ITSN1: variants seen among roughly 807,000 people sequenced by gnomAD.
ITSN1 encodes intersectin 1.
A neutral mutation model predicts 239.8 loss-of-function variants in ITSN1; 58 were observed. The observed-to-expected ratio is 0.24, with a 90% CI of 0.20 to 0.30. The LOEUF (loss-of-function observed/expected upper bound fraction) is 0.30. Ranked by LOEUF, ITSN1 falls within the 10% of genes least tolerant of loss-of-function variation. The probability of loss-of-function intolerance (pLI) is 1.00; values close to 1 mark genes in which losing one functional copy is unlikely to be tolerated. For missense variants in ITSN1, 1,558 were observed against 2,103.3 expected, an observed-to-expected ratio of 0.74 and a Z score of 5.07; for synonymous variants, 780 against 770.8, an observed-to-expected ratio of 1.01 and a Z score of -0.20.
chr21:33,818,522 T>C, intron 23 of ITSN1, 50 bp downstream of exon 23: 1 of 1,455,862 alleles, frequency 6.9e-7, no homozygotes. Context: ...TATTAGGCGT[T>C]ATATTACTGT....
At chr21:33,725,142 T>G (rs1278811301) in intron 4 of ITSN1, among the ~76,000 whole-genome samples, 2 of 144,558 alleles carry the variant, frequency 1.4e-5, no homozygotes, top group Non-Finnish European at 3.0e-5. Flanking sequence ...TGTTTTTTTT[T>G]TTTTTTTTTT....
Position 33,865,386 on chromosome 21 carries a change from C to T in ITSN1, c.4074+52C>T, listed in dbSNP as rs1981382207. ...GGGCCCCAGAGTGGCGATCTTTGGG[C>T]AGCTGGATGTGTGAGGGGCTAATTC... On this transcript the variant is annotated intron_variant, in intron 32 of 39. Transcript: ENST00000381318. The surrounding 1 kb of genome is among the most constrained non-coding windows in gnomAD (Gnocchi z 4.4). 1 of 1,381,082 alleles carries T rather than the reference C, an allele frequency of 7.2e-7. No homozygotes were observed. The highest frequency in any genetic ancestry group is 9.7e-7 in the Non-Finnish European group (1 of 1,025,934). The allele number at this position is 1,381,082 out of a possible 1,614,324, so 85.6% of individuals were successfully genotyped here.
chr21:33,750,345 A>G (rs1291904606), intron 6 of ITSN1, 23 bp downstream of exon 6: 1 of 1,605,880 alleles, frequency 6.2e-7, no homozygotes, highest in Non-Finnish European at 8.5e-7. Flanking sequence ...CTGAAACCAT[A>G]GGCTGAGTTT....
At chr21:33,809,075 C>T (rs994778324) in intron 20 of ITSN1, among the ~76,000 whole-genome samples, 2 of 152,140 alleles carry the variant, frequency 1.3e-5, no homozygotes, top group African/African-American at 2.4e-5. Flanking sequence ...AAAAGAAGAT[C>T]CAAATGGGGG....
intron 16 of ITSN1, among the ~76,000 whole-genome samples, chr21:33,792,803 CT>C: frequency 6.6e-6 from 1 of 152,242 alleles, no homozygotes; most frequent in South Asian, 2.1e-4. Context: ...ACAAAGGTAC[CT>C]TTTCCTGCTG....
intron 34 of ITSN1, among the ~76,000 whole-genome samples, chr21:33,879,101 ACTTT>A (rs1320029743): frequency 6.6e-6 from 1 of 152,176 alleles, no homozygotes; most frequent in African/African-American, 2.4e-5. Context: ...TAATCCCAGC[ACTTT>A]GAGAGGCCAA....
intron 22 of ITSN1, chr21:33,817,753 C>T: frequency 1.3e-6 from 1 of 788,376 alleles, no homozygotes; most frequent in Non-Finnish European, 1.7e-6. Flanking sequence ...CTAACCAAAT[C>T]CCTGTTTTCT....
chr21:33,745,879 A>G (rs1027812049), intron 5 of ITSN1, among the ~76,000 whole-genome samples: 1 of 152,244 alleles, frequency 6.6e-6, no homozygotes, highest in Non-Finnish European at 1.5e-5. Context: ...CTAGCCCTCA[A>G]ACTGCATGCA....
intron 1 of ITSN1, among the ~76,000 whole-genome samples, chr21:33,664,513 C>A (rs905489648): frequency 4.6e-5 from 7 of 152,030 alleles, no homozygotes; most frequent in African/African-American, 7.3e-5. Context: ...CCACTAAGCC[C>A]CACCTCCCTA....
At chr21:33,816,688 C>T (rs547004571) in intron 22 of ITSN1, among the ~76,000 whole-genome samples, 17 of 152,250 alleles carry the variant, frequency 1.1e-4, no homozygotes, top group Non-Finnish European at 2.9e-5. Context: ...CCCTGGGGTC[C>T]ATACGTAGAG....
chr21:33,690,402 A>G (rs2091454924), intron 1 of ITSN1, among the ~76,000 whole-genome samples: 1 of 151,800 alleles, frequency 6.6e-6, no homozygotes, highest in Non-Finnish European at 1.5e-5. Flanking sequence ...GATCGAGACC[A>G]TCCTGGCTAA....
intron 16 of ITSN1, among the ~76,000 whole-genome samples, chr21:33,791,304 G>T (rs1322739424): frequency 6.6e-6 from 1 of 152,142 alleles, no homozygotes; most frequent in Non-Finnish European, 1.5e-5. Flanking sequence ...TTGAAATCTG[G>T]ATCATAAGGT....
chr21:33,653,088 G>A (rs961855874), intron 1 of ITSN1, among the ~76,000 whole-genome samples: 1 of 145,786 alleles, frequency 6.9e-6, no homozygotes, highest in African/African-American at 2.5e-5. Context: ...TCTGCCTCCC[G>A]GGTTCAAGTG....
chr21:33,740,984 A>G (rs142755258), intron 5 of ITSN1, among the ~76,000 whole-genome samples: 1 of 152,258 alleles, frequency 6.6e-6, no homozygotes, highest in African/African-American at 2.4e-5. Context: ...TATGTAAGAG[A>G]AGATTTCTAA....
In ITSN1 at chr21:33,775,243, G is replaced by C. The variant is rs142685838; in HGVS notation, c.1596+135G>C. The stretch of plus-strand genomic sequence containing the variant: ...GGCACTGGGAAGCAAAAATGAAGTA[G>C]ACAGGGTCCTTGTGTGAAAAGTAGC... On this transcript the variant is annotated intron_variant, in intron 14 of 39. Coordinates refer to ENST00000381318, the MANE Select transcript of ITSN1 (RefSeq NM_003024.3). 463 of 853,650 alleles carry C rather than the reference G, an allele frequency of 5.4e-4. 2 individuals are homozygous for C. The African/African-American group carries it at 7.2e-3, about 13-fold the overall frequency. The allele number at this position is 853,650 out of a possible 1,614,324, so 52.9% of individuals were successfully genotyped here. A position where few individuals can be genotyped will look rare whatever the true frequency, so the allele number is the denominator to read the frequency against.
intron 25 of ITSN1, among the ~76,000 whole-genome samples, chr21:33,825,108 A>G (rs1023395773): frequency 1.3e-5 from 2 of 152,242 alleles, no homozygotes; most frequent in African/African-American, 4.8e-5. Flanking sequence ...CAGTTAAAAT[A>G]CGAAAGCCAT....
chr21:33,752,217 A>C (rs2067602479), intron 7 of ITSN1, among the ~76,000 whole-genome samples: 1 of 152,068 alleles, frequency 6.6e-6, no homozygotes, highest in Non-Finnish European at 1.5e-5. Flanking sequence ...AATTCTGGGT[A>C]TAAGGGAAAA....
chr21:33,879,748 C>T (rs1012040526), intron 34 of ITSN1, among the ~76,000 whole-genome samples: 10 of 152,206 alleles, frequency 6.6e-5, no homozygotes, highest in Middle Eastern at 3.4e-3. Flanking sequence ...GGTGCGATCT[C>T]GGCTCACTGC....
intron 30 of ITSN1, among the ~76,000 whole-genome samples, chr21:33,858,365 G>A (rs1173271790): frequency 6.6e-6 from 1 of 152,238 alleles, no homozygotes; most frequent in Non-Finnish European, 1.5e-5. Flanking sequence ...GTGCGCAGGT[G>A]AGACCGCTTA....
Sources: allele counts gnomAD v4.1 joint callset (sites outside exome capture counted in the v4.1 genomes callset), GRCh38; gene constraint gnomAD v4.1.1; non-coding constraint Gnocchi (gnomAD v3.1); transcripts MANE v1.5; gene names NCBI Gene and HGNC (gene_info 2026-07-23, HGNC 2026-07-21).